The following RBFOX1 variants were observed in gnomAD, a reference collection of about 807,000 sequenced individuals.
The protein encoded by RBFOX1 is RNA binding fox-1 homolog 1.
A neutral mutation model predicts 57.7 loss-of-function variants in RBFOX1; 8 were observed. That is an observed-to-expected ratio of 0.14 (90% CI 0.08 to 0.25). The LOEUF (loss-of-function observed/expected upper bound fraction) is 0.25. RBFOX1 is among the 10% of genes least tolerant of loss of function. The probability of loss-of-function intolerance (pLI) is 1.00; values close to 1 mark genes in which losing one functional copy is unlikely to be tolerated. For missense variants in RBFOX1, 611 were observed against 548.5 expected (o/e 1.11, Z -1.14); for synonymous variants, 326 against 222.4 (o/e 1.47, Z -4.15).
intron 4 of RBFOX1, among the ~76,000 whole-genome samples, chr16:5,911,213 G>A (rs879487207): frequency 1.3e-5 from 2 of 152,144 alleles, no homozygotes; most frequent in Non-Finnish European, 1.5e-5. Flanking sequence ...GATCCACCCT[G>A]TTCTCTAGGG....
rs529821919 is a variant in RBFOX1, at chr16:6,829,842, T to C, written c.-16+175192T>C. ...GTATCGAATTCTTGACCTTAGGAGA[T>C]CTGCCTGCCTTGGCCTCCCAAAGTG... is the stretch of plus-strand genomic sequence containing the variant. On this transcript the variant is annotated intron_variant, in intron 3 of 15. Coordinates refer to ENST00000550418, the MANE Select transcript of RBFOX1 (RefSeq NM_018723.4). 3.3e-4 allele frequency among the ~76,000 whole-genome samples: 51 copies of C among 152,320 alleles called. 1 individual carries two copies. In the South Asian group the frequency reaches 0.01, roughly 30 times the overall value.
At chr16:5,890,227 A>G (rs1292012156) in intron 4 of RBFOX1, among the ~76,000 whole-genome samples, 1 of 152,174 alleles carries the variant, frequency 6.6e-6, no homozygotes, top group Non-Finnish European at 1.5e-5. Flanking sequence ...ACCTATGATA[A>G]TAATATCTAA....
At chr16:5,810,563 A>C (rs1030248261) in intron 3 of RBFOX1, among the ~76,000 whole-genome samples, 2 of 152,168 alleles carry the variant, frequency 1.3e-5, no homozygotes, top group African/African-American at 4.8e-5. Flanking sequence ...GGTGCTGGGT[A>C]TATCTGTGAC....
At chr16:5,621,962 A>G (rs1262651715) in intron 3 of RBFOX1, among the ~76,000 whole-genome samples, 1 of 152,220 alleles carries the variant, frequency 6.6e-6, no homozygotes, top group Non-Finnish European at 1.5e-5. Context: ...TCCTGGGAAG[A>G]ATGAGGTTCT....
At chr16:6,586,038 G>A (rs988251903) in intron 2 of RBFOX1, among the ~76,000 whole-genome samples, 1 of 152,168 alleles carries the variant, frequency 6.6e-6, no homozygotes, top group East Asian at 1.9e-4. Flanking sequence ...GTATAGAACA[G>A]GTACTAGCTG....
intron 14 of RBFOX1, among the ~76,000 whole-genome samples, chr16:7,679,727 T>G (rs2074263723): frequency 6.6e-6 from 1 of 151,996 alleles, no homozygotes; most frequent in South Asian, 2.1e-4. Flanking sequence ...TGCAACTCCC[T>G]GCCCATCATC....
intron 3 of RBFOX1, among the ~76,000 whole-genome samples, chr16:5,817,320 C>T (rs1382017194): frequency 1.3e-5 from 2 of 152,290 alleles, no homozygotes; most frequent in East Asian, 3.9e-4. Flanking sequence ...CACATTTCTT[C>T]TTAAAGCGAG....
At chr16:5,646,180 C>CTCT in intron 3 of RBFOX1, among the ~76,000 whole-genome samples, 1 of 68,096 alleles carries the variant, frequency 1.5e-5, no homozygotes, top group Non-Finnish European at 3.9e-5. Context: ...CAGGCACGTG[C>CTCT]TATTTTTTTT....
chr16:6,745,741 G>T (rs1184712688), intron 3 of RBFOX1, among the ~76,000 whole-genome samples: 4 of 152,152 alleles, frequency 2.6e-5, no homozygotes, highest in Non-Finnish European at 4.4e-5. Context: ...ACAAAGCAAG[G>T]ATTTATGCTT....
chr16:5,962,543 C>T (rs2059770075), intron 4 of RBFOX1, among the ~76,000 whole-genome samples: 1 of 152,106 alleles, frequency 6.6e-6, no homozygotes, highest in South Asian at 2.1e-4. Context: ...ACTCCTTTGT[C>T]TCATTGGGTC....
chr16:6,262,776 T>C (rs2097709019), intron 1 of RBFOX1, among the ~76,000 whole-genome samples: 1 of 152,208 alleles, frequency 6.6e-6, no homozygotes, highest in Non-Finnish European at 1.5e-5. Flanking sequence ...TTGATTTTCC[T>C]TGCAACCTCA....
At chr16:6,431,896 G>GCTTGCTTGCTTGCTTGCTTGCTTT (rs1491277692) in intron 2 of RBFOX1, among the ~76,000 whole-genome samples, 180 of 128,162 alleles carry the variant, frequency 1.4e-3, no homozygotes, top group East Asian at 3.9e-3. Flanking sequence ...TTGCTTGCTT[G>GCTTGCTTGCTTGCTTGCTTGCTTT]CTTTCTTTCT....
intron 3 of RBFOX1, among the ~76,000 whole-genome samples, chr16:6,795,484 T>C (rs895299661): frequency 6.6e-6 from 1 of 152,124 alleles, no homozygotes; most frequent in African/African-American, 2.4e-5. Flanking sequence ...AGAGACATTG[T>C]TGGCTGCGCA....
At chr16:5,742,270 T>G (rs1376501087) in intron 3 of RBFOX1, among the ~76,000 whole-genome samples, 2 of 101,570 alleles carry the variant, frequency 2.0e-5, no homozygotes, top group Admixed American at 1.1e-4. Flanking sequence ...CTTCTTTCCT[T>G]TCTTCCTCCC....
intron 3 of RBFOX1, among the ~76,000 whole-genome samples, chr16:6,834,463 C>T (rs2092940870): frequency 6.6e-6 from 1 of 151,912 alleles, no homozygotes; most frequent in South Asian, 2.1e-4. Context: ...ATGCCTATAG[C>T]CTTGCCTGGT....
At chr16:6,479,415 C>T (rs1218815313) in intron 2 of RBFOX1, among the ~76,000 whole-genome samples, 5 of 152,014 alleles carry the variant, frequency 3.3e-5, no homozygotes, top group Admixed American at 2.6e-4. Context: ...TGGTGAAACC[C>T]TGTCTCTACT....
intron 1 of RBFOX1, among the ~76,000 whole-genome samples, chr16:5,351,200 T>G (rs1418461323): frequency 6.6e-6 from 1 of 152,198 alleles, no homozygotes; most frequent in African/African-American, 2.4e-5. Context: ...TTTATTTAAC[T>G]CGACTATGTG....
intron 3 of RBFOX1, among the ~76,000 whole-genome samples, chr16:5,715,226 T>G (rs1346851540): frequency 6.6e-6 from 1 of 152,200 alleles, no homozygotes; most frequent in Non-Finnish European, 1.5e-5. Context: ...ACCCTATAAA[T>G]CAGGTCTGCC....
intron 4 of RBFOX1, among the ~76,000 whole-genome samples, chr16:7,352,127 A>G (rs532029262): frequency 5.9e-5 from 9 of 152,316 alleles, no homozygotes; most frequent in African/African-American, 2.2e-4. Flanking sequence ...AAAGCACCCC[A>G]CGGCAGAAAC....
Sources: gnomAD v4.1 joint callset for allele counts (sites outside exome capture counted in the v4.1 genomes callset) on GRCh38, gnomAD v4.1.1 for gene constraint, MANE v1.5 for transcripts, NCBI Gene and HGNC (gene_info 2026-07-23, HGNC 2026-07-21) for gene names.